The following PHACTR2 variants were observed in gnomAD, a reference collection of about 807,000 sequenced individuals.
PHACTR2 encodes chromosome 6 open reading frame 56.
In PHACTR2, 30 loss-of-function variants were observed where a neutral mutation model predicts 76.0. That is an observed-to-expected ratio of 0.39 (90% CI 0.30 to 0.54). PHACTR2 has a LOEUF of 0.54. PHACTR2 is among the 20% of genes least tolerant of loss of function. The pLI, the probability that PHACTR2 is intolerant of heterozygous loss-of-function variation, is 0.61. For synonymous variants in PHACTR2, 292 were observed against 292.5 expected (o/e 1.00, Z 0.02); for missense variants, 696 against 781.1 (o/e 0.89, Z 1.30).
chr6:143,783,396 G>T lies in PHACTR2; in HGVS notation c.1707+116G>T, dbSNP rs1775477742. 5 of 601,760 alleles carry T rather than the reference G, an allele frequency of 8.3e-6. No homozygotes were observed. In the South Asian group the frequency reaches 1.1e-4, roughly 13 times the overall value. 37.3% of individuals were successfully genotyped at this position (601,760 alleles called of 1,614,324 possible). A position where few individuals can be genotyped will look rare whatever the true frequency, so the allele number is the denominator to read the frequency against. On this transcript the variant is annotated intron_variant, in intron 10 of 12. Coordinates refer to ENST00000440869, the MANE Select transcript of PHACTR2 (RefSeq NM_001100164.2). The surrounding 1 kb of genome is among the most constrained non-coding windows in gnomAD (Gnocchi z 5.2). ...TGTTTAGAAATAATTATTCCTATTAGTCTATAATCATAGACATCAAAATCA... is the reference window on the plus strand; with the variant it reads ...TGTTTAGAAATAATTATTCCTATTATTCTATAATCATAGACATCAAAATCA...
intron 2 of PHACTR2, among the ~76,000 whole-genome samples, chr6:143,714,776 C>G (rs1778266007): frequency 1.3e-5 from 2 of 152,140 alleles, no homozygotes; most frequent in Non-Finnish European, 2.9e-5. Flanking sequence ...GCTCTAGGTT[C>G]TTCTATCCCT....
At position 143,616,949 on chromosome 6, in the gene PHACTR2, T is replaced by A. The variant is rs1472736268; in HGVS notation, c.13+8627T>A. On this transcript the variant is annotated intron_variant, in intron 1 of 11. Transcript: ENST00000305766. The surrounding 1 kb of genome is among the most constrained non-coding windows in gnomAD (Gnocchi z 4.9). ...TGGGATGTCTGAGCAACAAGGCCAGTGTGTCTGGGGCCTGATGAGAGGTAG... is the reference window on the plus strand; with the variant it reads ...TGGGATGTCTGAGCAACAAGGCCAGAGTGTCTGGGGCCTGATGAGAGGTAG... 6.6e-6 allele frequency among the ~76,000 whole-genome samples: 1 copy of A among 152,118 alleles called. No individual in the cohort carries two copies. The highest frequency in any genetic ancestry group is 2.4e-5 in the African/African-American group (1 of 41,422).
rs60347743 is a variant in PHACTR2 at position 143,695,102 on chromosome 6, A to T, written c.46+16893A>T. On this transcript the variant is annotated intron_variant, in intron 1 of 12. Transcript: ENST00000440869. This position sits in a 1 kb window ranked among gnomAD's most constrained non-coding sequence, Gnocchi z 4.4. Reference sequence around the variant, plus strand: ...ATTAAAACTCTCCTTAAACCTCAGAAATTATTTAATTTTATAGGCATCTCT... The same window carrying T: ...ATTAAAACTCTCCTTAAACCTCAGATATTATTTAATTTTATAGGCATCTCT... Among the ~76,000 whole-genome samples, 1,288 of 152,278 alleles carry T rather than the reference A, an allele frequency of 8.5e-3. 20 individuals are homozygous for T. Among genetic ancestry groups the T allele is most frequent in the African/African-American group, 0.029 (1,206 of 41,542 alleles).
chr6:143,636,114 C>G (rs1022527320), intron 1 of PHACTR2, among the ~76,000 whole-genome samples: 1 of 58,462 alleles, frequency 1.7e-5, no homozygotes, highest in Admixed American at 2.0e-4. Flanking sequence ...AGTCAGGAGG[C>G]TGAGGCAGGA....
intron 1 of PHACTR2, among the ~76,000 whole-genome samples, chr6:143,640,439 C>T (rs998846003): frequency 6.6e-6 from 1 of 152,072 alleles, no homozygotes; most frequent in Non-Finnish European, 1.5e-5. Flanking sequence ...TACAGAGAGA[C>T]ATAAGGAGAG....
intron 2 of PHACTR2, among the ~76,000 whole-genome samples, chr6:143,728,216 C>CTTTTTTTTTTTTTTTTTTT (rs548709835): frequency 3.6e-5 from 3 of 83,740 alleles, no homozygotes; most frequent in Admixed American, 1.4e-4. Context: ...TTTTTTCTTT[C>CTTTTTTTTTTTTTTTTTTT]TTTTTTTTTT....
At position 143,757,040 on chromosome 6, in the gene PHACTR2, C is replaced by CA. The variant is rs1562295243; in HGVS notation, c.454+3135dup. On this transcript the variant is annotated intron_variant, in intron 4 of 12. Coordinates refer to ENST00000440869, the MANE Select transcript of PHACTR2 (RefSeq NM_001100164.2). The surrounding 1 kb of genome is among the most constrained non-coding windows in gnomAD (Gnocchi z 4.2). ...CTCCAGCCTGGGTGACAGCCAGTCTCAAAAAAAGAAAATAATAATAATTTT... is the reference window on the plus strand; with the variant it reads ...CTCCAGCCTGGGTGACAGCCAGTCTCAAAAAAAAGAAAATAATAATAATTTT... 6.6e-6 allele frequency among the ~76,000 whole-genome samples: 1 copy of CA among 151,314 alleles called. No individual in the cohort carries two copies. The highest frequency in any genetic ancestry group is 6.6e-5 in the Admixed American group (1 of 15,228).
chr6:143,765,876 G>A lies in PHACTR2; in HGVS notation c.1232+78G>A. On this transcript the variant is annotated intron_variant, in intron 6 of 12. Transcript: ENST00000440869. The surrounding 1 kb of genome is among the most constrained non-coding windows in gnomAD (Gnocchi z 4.1). ...ATATTCTGTTGGAAATGAAGCACCGGGTTTGCTTTCTTATATAATTTAATC... is the reference window on the plus strand; with the variant it reads ...ATATTCTGTTGGAAATGAAGCACCGAGTTTGCTTTCTTATATAATTTAATC... 3.1e-6 allele frequency: 4 copies of A among 1,276,872 alleles called. No individual in the cohort carries two copies. The highest frequency in any genetic ancestry group is 4.4e-6 in the Non-Finnish European group (4 of 917,666). 79.1% of individuals were successfully genotyped at this position (1,276,872 alleles called of 1,614,324 possible).
intron 1 of PHACTR2, among the ~76,000 whole-genome samples, chr6:143,568,719 G>A (rs1775397473): frequency 6.6e-6 from 1 of 152,298 alleles, no homozygotes; most frequent in African/African-American, 2.4e-5. Context: ...CCATGCCTTT[G>A]TATTTTGATT....
chr6:143,712,186 A>G lies in PHACTR2; in HGVS notation c.214+3A>G. On this transcript the variant is annotated splice_donor_region_variant and intron_variant, in intron 2 of 12. Coordinates refer to ENST00000440869, the MANE Select transcript of PHACTR2 (RefSeq NM_001100164.2). ...CAAATTTAGAGAAACCTCGGCAGGT[A>G]TGAGTATCATAACTTGTTAGAAGAT... 1 of 1,486,314 alleles carries G rather than the reference A, an allele frequency of 6.7e-7. No individual in the cohort carries two copies. The highest frequency in any genetic ancestry group is 8.9e-7 in the Non-Finnish European group (1 of 1,117,744). The allele number at this position is 1,486,314 out of a possible 1,614,324, so 92.1% of individuals were successfully genotyped here. A position where few individuals can be genotyped will look rare whatever the true frequency, so the allele number is the denominator to read the frequency against.
In PHACTR2 at chr6:143,608,404, T is replaced by C; in HGVS notation, c.13+82T>C. 7.0e-7 allele frequency: 1 copy of C among 1,436,408 alleles called. No homozygotes were observed. Among genetic ancestry groups the C allele is most frequent in the Non-Finnish European group, 9.8e-7 (1 of 1,021,074 alleles). 89.0% of individuals were successfully genotyped at this position (1,436,408 alleles called of 1,614,324 possible). A position where few individuals can be genotyped will look rare whatever the true frequency, so the allele number is the denominator to read the frequency against. On this transcript the variant is annotated intron_variant, in intron 1 of 11. Transcript: ENST00000305766. The surrounding 1 kb of genome is among the most constrained non-coding windows in gnomAD (Gnocchi z 4.6). ...CCTTTACTGCGGAAGGTTTGCCTAT[T>C]TGTTGCTCTCGTTTTGCACTTAAAT...
chr6:143,691,508 G>A (rs1249727488), intron 1 of PHACTR2, among the ~76,000 whole-genome samples: 1 of 151,842 alleles, frequency 6.6e-6, no homozygotes, highest in Non-Finnish European at 1.5e-5. Context: ...TTGCTTTTAT[G>A]TACATTTTGT....
chr6:143,725,490 G>A (rs139875178), intron 2 of PHACTR2, among the ~76,000 whole-genome samples: 21,942 of 103,728 alleles, frequency 0.21, 2,808 homozygotes, highest in African/African-American at 0.44. Flanking sequence ...GTGAGCCACC[G>A]CGCCCGGCCT....
At position 143,599,141 on chromosome 6, in the gene PHACTR2, T is replaced by C. The variant is rs1775787063; in HGVS notation, c.217+61934T>C. ...AAATTGGGGTCACCTCCAATTCTTT[T>C]TTCAATGAAGTCCTGGATAAGGAGA... On this transcript the variant is annotated intron_variant, in intron 1 of 11. Coordinates refer to the PHACTR2 transcript ENST00000367584. This position sits in a 1 kb window ranked among gnomAD's most constrained non-coding sequence, Gnocchi z 4.6. 1.3e-5 allele frequency among the ~76,000 whole-genome samples: 2 copies of C among 152,186 alleles called. No homozygotes were observed. Among genetic ancestry groups the C allele is most frequent in the African/African-American group, 4.8e-5 (2 of 41,436 alleles).
chr6:143,742,105 C>CAA lies in PHACTR2; in HGVS notation c.215-6869_215-6868dup, dbSNP rs577806236. Among the ~76,000 whole-genome samples, 3 of 133,236 alleles carry CAA rather than the reference C, an allele frequency of 2.3e-5. No homozygotes were observed. The highest frequency in any genetic ancestry group is 2.8e-5 in the African/African-American group (1 of 36,092). 87.4% of individuals were successfully genotyped at this position (133,236 alleles called of 152,430 possible). On this transcript the variant is annotated intron_variant, in intron 2 of 12. Transcript: ENST00000440869. The surrounding 1 kb of genome is among the most constrained non-coding windows in gnomAD (Gnocchi z 4.5). ...GGGTGACAAGAGTGAAACTCCATCT[C>CAA]AAAAAAAAAAAACAACAACATTTAT...
chr6:143,642,953 G>A (rs1776594414), intron 1 of PHACTR2, among the ~76,000 whole-genome samples: 1 of 152,110 alleles, frequency 6.6e-6, no homozygotes, highest in Admixed American at 6.6e-5. Context: ...CTAATAGTTT[G>A]GCTATTCCCT....
rs566974201 is a variant in PHACTR2 at position 143,736,493 on chromosome 6, A to G, written c.215-12492A>G. Among the ~76,000 whole-genome samples the G allele has an allele frequency of 7.9e-5, 12 of 151,686 alleles. No individual in the cohort carries two copies. In the South Asian group the frequency reaches 2.5e-3, roughly 32 times the overall value. ...ATGCAAATGTATACAGGAGAAATGG[A>G]AAGTAGAGGAGAAAAAAACTCCTAT... On this transcript the variant is annotated intron_variant, in intron 2 of 12. Coordinates refer to ENST00000440869, the MANE Select transcript of PHACTR2 (RefSeq NM_001100164.2).
Position 143,648,670 on chromosome 6 carries a change from A to G in PHACTR2, c.13+40348A>G, listed in dbSNP as rs918725466. Among the ~76,000 whole-genome samples the G allele has an allele frequency of 6.6e-5, 10 of 152,172 alleles. No individual in the cohort carries two copies. Among genetic ancestry groups the G allele is most frequent in the African/African-American group, 9.6e-5 (4 of 41,452 alleles). Reference sequence around the variant, plus strand: ...ACTGATACTGTAAATGTGGCATGCTAGCATAGGGGAAAGTGTAATTCAGAC... The same window carrying G: ...ACTGATACTGTAAATGTGGCATGCTGGCATAGGGGAAAGTGTAATTCAGAC... On this transcript the variant is annotated intron_variant, in intron 1 of 11. Transcript: ENST00000305766. The surrounding 1 kb of genome is among the most constrained non-coding windows in gnomAD (Gnocchi z 6.7).
chr6:143,703,569 T>A (rs1440994735), intron 1 of PHACTR2, among the ~76,000 whole-genome samples: 1 of 152,220 alleles, frequency 6.6e-6, no homozygotes, highest in Non-Finnish European at 1.5e-5. Context: ...TACATTCTAA[T>A]ATAGTAATGT....
Sources: allele counts gnomAD v4.1 joint callset (sites outside exome capture counted in the v4.1 genomes callset), GRCh38; gene constraint gnomAD v4.1.1; non-coding constraint Gnocchi (gnomAD v3.1); transcripts MANE v1.5; gene names NCBI Gene and HGNC (gene_info 2026-07-23, HGNC 2026-07-21).